NTM: variants seen among roughly 807,000 people sequenced by gnomAD.
NTM encodes neurotrimin.
In NTM, 13 loss-of-function variants were observed where a neutral mutation model predicts 42.1. The ratio of observed to expected loss-of-function variants is 0.31; its 90% CI spans 0.20 to 0.49. The LOEUF (loss-of-function observed/expected upper bound fraction) is 0.49. Ranked by LOEUF, NTM falls within the 20% of genes least tolerant of loss-of-function variation. The pLI, the probability that NTM is intolerant of heterozygous loss-of-function variation, is 0.99. For synonymous variants in NTM, 187 were observed against 179.2 expected (o/e 1.04, Z -0.35); for missense variants, 373 against 452.8 (o/e 0.82, Z 1.60).
chr11:131,977,546 A>G (rs1326764786), intron 2 of NTM, among the ~76,000 whole-genome samples: 1 of 152,196 alleles, frequency 6.6e-6, no homozygotes, highest in Non-Finnish European at 1.5e-5. Context: ...TTTTGGTCTT[A>G]AGGTCTTGCC....
At chr11:131,442,172 G>A (rs1215194388) in intron 1 of NTM, among the ~76,000 whole-genome samples, 2 of 152,200 alleles carry the variant, frequency 1.3e-5, no homozygotes, top group African/African-American at 4.8e-5. Flanking sequence ...CGGAGATGAT[G>A]ACATGTGGCA....
intron 2 of NTM, among the ~76,000 whole-genome samples, chr11:132,032,235 T>C (rs2076022431): frequency 6.6e-6 from 1 of 152,182 alleles, no homozygotes; most frequent in South Asian, 2.1e-4. Flanking sequence ...TCTCCTGGTC[T>C]TGTTTTCTTC....
intron 1 of NTM, among the ~76,000 whole-genome samples, chr11:131,765,053 C>T (rs1450451527): frequency 6.6e-6 from 1 of 152,166 alleles, no homozygotes; most frequent in African/African-American, 2.4e-5. Flanking sequence ...GCCGGCGCTT[C>T]TCCAGTTACA....
At chr11:131,884,514 T>C (rs946230694) in intron 1 of NTM, among the ~76,000 whole-genome samples, 3 of 152,232 alleles carry the variant, frequency 2.0e-5, no homozygotes, top group Admixed American at 6.5e-5. Context: ...CTGAGGTTTG[T>C]GGCTCCAGAA....
intron 2 of NTM, among the ~76,000 whole-genome samples, chr11:131,928,609 C>G (rs1182608070): frequency 2.7e-5 from 4 of 149,216 alleles, no homozygotes; most frequent in African/African-American, 9.9e-5. Context: ...TGTTTGTTTT[C>G]TGTGGTCTCC....
At chr11:132,016,367 G>C (rs1318651577) in intron 2 of NTM, among the ~76,000 whole-genome samples, 1 of 151,788 alleles carries the variant, frequency 6.6e-6, no homozygotes, top group Non-Finnish European at 1.5e-5. Flanking sequence ...CCCAGCCTTA[G>C]GCAACCACTG....
At chr11:132,328,486 G>A (rs1044273568) in intron 7 of NTM, among the ~76,000 whole-genome samples, 21 of 139,390 alleles carry the variant, frequency 1.5e-4, no homozygotes, top group Non-Finnish European at 1.6e-4. Flanking sequence ...AGGTTTTTTT[G>A]GGGGGGTCTT....
At chr11:131,661,768 T>TC (rs1279147865) in intron 1 of NTM, among the ~76,000 whole-genome samples, 2 of 152,130 alleles carry the variant, frequency 1.3e-5, no homozygotes, top group African/African-American at 4.8e-5. Context: ...CTCTTTTTTT[T>TC]CCCCCTGTGA....
intron 1 of NTM, among the ~76,000 whole-genome samples, chr11:131,639,332 G>T (rs2064833411): frequency 6.6e-6 from 1 of 152,182 alleles, no homozygotes; most frequent in South Asian, 2.1e-4. Flanking sequence ...TGTTGACTGT[G>T]CCTTCCTCTC....
At chr11:132,195,314 A>C (rs2138344516) in intron 3 of NTM, among the ~76,000 whole-genome samples, 1 of 152,306 alleles carries the variant, frequency 6.6e-6, no homozygotes, top group Non-Finnish European at 1.5e-5. Context: ...AACAAATCGA[A>C]AAACATTTCA....
intron 1 of NTM, among the ~76,000 whole-genome samples, chr11:131,412,838 T>C (rs1946564679): frequency 6.6e-6 from 1 of 152,150 alleles, no homozygotes; most frequent in Non-Finnish European, 1.5e-5. Flanking sequence ...TAATCATCAC[T>C]AATAACAAGA....
intron 2 of NTM, among the ~76,000 whole-genome samples, chr11:132,033,796 T>G (rs1364287537): frequency 6.6e-6 from 1 of 152,206 alleles, no homozygotes; most frequent in Admixed American, 6.5e-5. Flanking sequence ...GAGTCAGAGA[T>G]AAATCCGGAG....
chr11:132,146,216 G>A lies in NTM; in HGVS notation c.168-66G>A. On this transcript the variant is annotated intron_variant, in intron 2 of 8. Transcript: ENST00000683400. This position sits in a 1 kb window ranked among gnomAD's most constrained non-coding sequence, Gnocchi z 4.5. ...CAAGATATTCTAGCCTTGCCATGAG[G>A]ACCTCCCTCTGATGGCTGCTGTCGT... The A allele has an allele frequency of 6.3e-7, 1 of 1,588,832 alleles. No individual in the cohort carries two copies.
chr11:132,325,067 C>T (rs2095649979), intron 7 of NTM, among the ~76,000 whole-genome samples: 1 of 151,698 alleles, frequency 6.6e-6, no homozygotes, highest in Non-Finnish European at 1.5e-5. Flanking sequence ...CATAAAAACC[C>T]TAGAAGAAAA....
chr11:132,146,189 GAC>G lies in NTM; in HGVS notation c.168-91_168-90del. ...TGTATGTGTTGGGGGAAGGGAGAAA[GAC>G]AAGATATTCTAGCCTTGCCATGAGG... is the stretch of plus-strand genomic sequence containing the variant. On this transcript the variant is annotated intron_variant, in intron 2 of 8. Coordinates refer to ENST00000683400, the MANE Select transcript of NTM (RefSeq NM_001352005.2). The surrounding 1 kb of genome is among the most constrained non-coding windows in gnomAD (Gnocchi z 4.5). 2 of 1,523,042 alleles carry G rather than the reference GAC, an allele frequency of 1.3e-6. No individual in the cohort carries two copies. Among genetic ancestry groups the G allele is most frequent in the Non-Finnish European group, 1.8e-6 (2 of 1,131,332 alleles). 94.3% of individuals were successfully genotyped at this position (1,523,042 alleles called of 1,614,324 possible).
intron 4 of NTM, among the ~76,000 whole-genome samples, chr11:132,217,815 C>T (rs1216055787): frequency 7.8e-6 from 1 of 128,470 alleles, no homozygotes; most frequent in African/African-American, 2.7e-5. Flanking sequence ...AAGTGACACC[C>T]GGATAAGAGT....
intron 1 of NTM, among the ~76,000 whole-genome samples, chr11:131,476,898 G>T (rs190460430): frequency 6.6e-6 from 1 of 151,962 alleles, no homozygotes; most frequent in East Asian, 1.9e-4. Flanking sequence ...ACCATACCCC[G>T]GATAAGTTTT....
At chr11:131,729,415 A>G (rs768073614) in intron 1 of NTM, among the ~76,000 whole-genome samples, 1 of 152,240 alleles carries the variant, frequency 6.6e-6, no homozygotes, top group Non-Finnish European at 1.5e-5. Context: ...TTCACAGTAT[A>G]TAAGTTTGTT....
chr11:131,970,299 T>C (rs2063367458), intron 2 of NTM, among the ~76,000 whole-genome samples: 4 of 152,202 alleles, frequency 2.6e-5, no homozygotes. Flanking sequence ...TTTGATTGTA[T>C]GTTTTCTGTT....
Sources: allele counts gnomAD v4.1 joint callset (sites outside exome capture counted in the v4.1 genomes callset), GRCh38; gene constraint gnomAD v4.1.1; non-coding constraint Gnocchi (gnomAD v3.1); transcripts MANE v1.5; gene names NCBI Gene and HGNC (gene_info 2026-07-23, HGNC 2026-07-21).